BCAR1: variants seen among roughly 807,000 people sequenced by gnomAD.
The protein encoded by BCAR1 is breast cancer anti-estrogen resistance protein 1.
Under a neutral mutation model 67.6 loss-of-function variants are expected in BCAR1, and 30 were observed. The ratio of observed to expected loss-of-function variants is 0.44; its 90% CI spans 0.33 to 0.60. The LOEUF (loss-of-function observed/expected upper bound fraction) is 0.60, where lower values mean the gene tolerates loss of function less well. Ranked by LOEUF, BCAR1 falls within the 20% of genes least tolerant of loss-of-function variation. The pLI is 0.02. For missense variants in BCAR1, 1,313 were observed against 1,222.3 expected, an observed-to-expected ratio of 1.07 and a Z score of -1.11; for synonymous variants, 626 against 556.7, an observed-to-expected ratio of 1.12 and a Z score of -1.75.
chr16:75,237,421 G>A (rs1597199880), intron 2 of BCAR1, 77 bp from the exon 3 acceptor site: 23 of 1,384,198 alleles, frequency 1.7e-5, no homozygotes, highest in Non-Finnish European at 2.2e-5. Context: ...TGGGAGCCAC[G>A]TCCTTTTAGG....
rs572922168 is a variant in BCAR1, at chr16:75,238,795, C to T, written c.634-1451G>A. The T allele has an allele frequency of 6.1e-6, 6 of 985,562 alleles. No homozygotes were observed. The South Asian group carries it at 2.3e-4, about 39-fold the overall frequency. 61.1% of individuals were successfully genotyped at this position (985,562 alleles called of 1,614,324 possible). On this transcript the variant is annotated intron_variant, in intron 2 of 6. Transcript: ENST00000162330. ...CCAGAACTATTTTTAGATGCAGGGA[C>T]CTGCCAACAGCGGGGCAGGCGGGGC...
chr16:75,258,792 G>A lies in BCAR1; in HGVS notation c.66+9123C>T, dbSNP rs138499819. ...AAACCCAGATGCTGGGGCCAGGGAC[G>A]CAGGGAGTCTCCCTCTACCCTCCTC... On this transcript the variant is annotated intron_variant, in intron 1 of 6. Transcript: ENST00000393422. 3.3e-3 allele frequency among the ~76,000 whole-genome samples: 501 copies of A among 152,340 alleles called. 2 individuals are homozygous for A. Among genetic ancestry groups the A allele is most frequent in the African/African-American group, 0.011 (465 of 41,574 alleles).
rs150507109 is a variant in BCAR1 at position 75,251,512 on chromosome 16, T to A, written c.-30A>T. 10 of 1,319,298 alleles carry A rather than the reference T, an allele frequency of 7.6e-6. No individual in the cohort carries two copies. The African/African-American group carries it at 1.2e-4, about 16-fold the overall frequency. The allele number at this position is 1,319,298 out of a possible 1,614,324, so 81.7% of individuals were successfully genotyped here. On this transcript the variant is annotated 5_prime_UTR_variant, in exon 1 of 7. Coordinates refer to ENST00000162330, the MANE Select transcript of BCAR1 (RefSeq NM_014567.5). ...TCCGGCGGGCCTGGGGCCCCGGCTC[T>A]CGCGGGGGCGCACACCGAGCTGCCC...
rs761809213 is a variant in BCAR1 at position 75,235,630 on chromosome 16, C to G, written c.1269G>C (p.Glu423Asp). The G allele has an allele frequency of 1.2e-6, 2 of 1,605,268 alleles. No individual in the cohort carries two copies. The highest frequency in any genetic ancestry group is 4.5e-5 in the East Asian group (2 of 44,676). Residue 423 changes from glutamate to aspartate, a missense_variant, in exon 5 of 7, where the codon GAG becomes GAC. Glu to Asp is a conservative substitution (Grantham distance 45, BLOSUM62 2). This residue lies in a region of BCAR1 where 1,272 missense variants were observed against 1,137.5 expected (regional missense o/e 1.12). Coordinates refer to ENST00000162330, the MANE Select transcript of BCAR1 (RefSeq NM_014567.5). ...PPPAEREAPAEGKRLSASSTG... is the reference protein window; with the variant it reads ...PPPAEREAPADGKRLSASSTG... ...TGCTGGAGGCCGACAGGCGCTTGCC[C>G]TCTGCCGGGGCTTCACGTTCAGCTG...
chr16:75,252,438 G>T (rs1277512385), upstream of BCAR1: 3 of 1,435,392 alleles, frequency 2.1e-6, no homozygotes, highest in Non-Finnish European at 2.7e-6. Context: ...ATCACTCGGG[G>T]GAAACCGAGT....
At chr16:75,248,005 A>G in intron 1 of BCAR1, 1 of 1,102,040 alleles carries the variant, frequency 9.1e-7, no homozygotes, top group Non-Finnish European at 1.4e-6. Context: ...TTTCCCACAC[A>G]GCCACCAGCT....
intron 1 of BCAR1, chr16:75,266,029 C>T (rs539867192): frequency 1.6e-5 from 16 of 1,029,640 alleles, no homozygotes; most frequent in East Asian, 9.3e-5. Flanking sequence ...GCCGCCCCCC[C>T]CACCGTCTCC....
chr16:75,258,969 G>A (rs2151476931), intron 1 of BCAR1, among the ~76,000 whole-genome samples: 1 of 152,326 alleles, frequency 6.6e-6, no homozygotes, highest in South Asian at 2.1e-4. Context: ...GGAAGGAGGA[G>A]GAGGAGGGAC....
At chr16:75,243,927 G>C (rs1298221453) in intron 1 of BCAR1, among the ~76,000 whole-genome samples, 1 of 152,272 alleles carries the variant, frequency 6.6e-6, no homozygotes, top group Non-Finnish European at 1.5e-5. Context: ...TGGGCCCAGA[G>C]AGACAGAGGA....
intron 1 of BCAR1, among the ~76,000 whole-genome samples, chr16:75,261,418 C>T (rs2077905809): frequency 6.6e-6 from 1 of 152,248 alleles, no homozygotes; most frequent in Admixed American, 6.5e-5. Context: ...CCTTAAGGAG[C>T]CATGATCCCC....
intron 1 of BCAR1, chr16:75,264,926 C>G (rs2077971441): frequency 6.4e-6 from 1 of 157,078 alleles, no homozygotes; most frequent in Non-Finnish European, 1.4e-5. Flanking sequence ...GCCGGGGTGT[C>G]CGCCTCCCAC....
chr16:75,252,544 G>A, upstream of BCAR1: 4 of 800,294 alleles, frequency 5.0e-6, no homozygotes, highest in East Asian at 1.3e-4. Context: ...GAGCCCCTGG[G>A]CCAGGCCAGG....
At chr16:75,264,399 C>G (rs1158334170) in intron 1 of BCAR1, 2 of 1,532,620 alleles carry the variant, frequency 1.3e-6, no homozygotes, top group Non-Finnish European at 1.7e-6. Context: ...CTGCCCAGTG[C>G]CCACAGGAGC....
chr16:75,233,957 T>C (rs749559561), intron 5 of BCAR1, 22 bp from the exon 6 acceptor site: 25 of 1,579,770 alleles, frequency 1.6e-5, no homozygotes, highest in African/African-American at 2.7e-5. Context: ...AGACAGGGGC[T>C]GCGCTGAGGC....
intron 2 of BCAR1, among the ~76,000 whole-genome samples, chr16:75,241,370 T>C (rs1013251106): frequency 2.0e-5 from 3 of 152,120 alleles, no homozygotes; most frequent in African/African-American, 7.2e-5. Context: ...ACAGGCATCA[T>C]GCACGTGTGT....
intron 1 of BCAR1, chr16:75,264,612 A>G: frequency 6.3e-6 from 8 of 1,278,032 alleles, no homozygotes; most frequent in Non-Finnish European, 7.9e-6. Flanking sequence ...CTGTAAATAC[A>G]TTACCACTTC....
At position 75,235,845 on chromosome 16, in the gene BCAR1, G is replaced by C. The variant is rs141155929; in HGVS notation, c.1054C>G (p.Pro352Ala). The C allele has an allele frequency of 1.3e-6, 2 of 1,570,092 alleles. No individual in the cohort carries two copies. Among genetic ancestry groups the C allele is most frequent in the East Asian group, 4.7e-5 (2 of 42,572 alleles). Residue 352 changes from proline to alanine, a missense_variant, in exon 5 of 7, where the codon CCT becomes GCT. Transcript: ENST00000162330. Reference protein sequence around the residue: ...ARTPLVLAAPPPDSPPAEDVY... With the variant: ...ARTPLVLAAPAPDSPPAEDVY... ...TCCTCGGCCGGCGGGGAGTCTGGAGGGGGCGCAGCCAGTACCAGTGGGGTG... is the reference window on the plus strand; with the variant it reads ...TCCTCGGCCGGCGGGGAGTCTGGAGCGGGCGCAGCCAGTACCAGTGGGGTG...
intron 1 of BCAR1, among the ~76,000 whole-genome samples, chr16:75,262,431 G>A (rs553132115): frequency 2.0e-4 from 31 of 152,352 alleles, no homozygotes; most frequent in African/African-American, 6.3e-4. Flanking sequence ...GGATGATGGC[G>A]CAGAGCTTGA....
At chr16:75,238,527 G>A (rs2077219561) in intron 2 of BCAR1, 8 of 992,678 alleles carry the variant, frequency 8.1e-6, no homozygotes, top group Non-Finnish European at 9.6e-6. Context: ...AGGGTGCTGT[G>A]AGGGGGGCGC....
Sources: gnomAD v4.1 joint callset for allele counts (sites outside exome capture counted in the v4.1 genomes callset) on GRCh38, gnomAD v4.1.1 for gene constraint, gnomAD v4.1.1 regional missense constraint, MANE v1.5 for transcripts, NCBI Gene and HGNC (gene_info 2026-07-23, HGNC 2026-07-21) for gene names.